Variants in RPRD2 observed in about 807,000 individuals in gnomAD.
RPRD2 encodes regulation of nuclear pre-mRNA domain-containing protein 2.
A neutral mutation model predicts 104.4 loss-of-function variants in RPRD2; 12 were observed. That is an observed-to-expected ratio of 0.11 (90% CI 0.07 to 0.19). The LOEUF (loss-of-function observed/expected upper bound fraction) is 0.19, where lower values mean the gene tolerates loss of function less well. Ranked by LOEUF, RPRD2 falls within the 10% of genes least tolerant of loss-of-function variation. RPRD2 has a pLI of 1.00. For synonymous variants in RPRD2, 714 were observed against 684.9 expected (o/e 1.04, Z -0.66); for missense variants, 1,543 against 1,790.1 (o/e 0.86, Z 2.49).
intron 6 of RPRD2, among the ~76,000 whole-genome samples, chr1:150,445,525 A>C (rs1666699460): frequency 6.6e-6 from 1 of 152,198 alleles, no homozygotes; most frequent in Non-Finnish European, 1.5e-5. Flanking sequence ...ACATCTTACT[A>C]CCTTCTGTAA....
chr1:150,389,877 GT>G (rs1661929237), intron 1 of RPRD2, among the ~76,000 whole-genome samples: 1 of 152,114 alleles, frequency 6.6e-6, no homozygotes, highest in African/African-American at 2.4e-5. Context: ...GACTGGCAAC[GT>G]TTTCCTGAAG....
At chr1:150,369,469 T>G (rs1311651253) in intron 1 of RPRD2, among the ~76,000 whole-genome samples, 74 of 126,640 alleles carry the variant, frequency 5.8e-4, no homozygotes, top group Non-Finnish European at 1.1e-3. Flanking sequence ...TTTTTTTTTT[T>G]TTTTTGAGAC....
rs187513007 is a variant in RPRD2, at chr1:150,431,776, C to T, written c.336-9147C>T. ...GATTACAGGCGTGAGCCACTGCGCC[C>T]GGCCAAAAAGGAAGGAAATTCTAAT... is the stretch of plus-strand genomic sequence containing the variant. On this transcript the variant is annotated intron_variant, in intron 2 of 10. Coordinates refer to ENST00000369068, the MANE Select transcript of RPRD2 (RefSeq NM_015203.5). Among the ~76,000 whole-genome samples, 257 of 151,930 alleles carry T rather than the reference C, an allele frequency of 1.7e-3. 1 individual carries two copies. The highest frequency in any genetic ancestry group is 2.4e-3 in the Admixed American group (37 of 15,252).
chr1:150,444,486 T>A, intron 6 of RPRD2, 109 bp downstream of exon 6: 4 of 1,051,166 alleles, frequency 3.8e-6, no homozygotes, highest in South Asian at 1.7e-5. Flanking sequence ...TAGAAAGCAG[T>A]TGTGGCACCT....
intron 7 of RPRD2, among the ~76,000 whole-genome samples, chr1:150,446,859 G>A (rs1157593439): frequency 1.6e-5 from 2 of 126,050 alleles, no homozygotes; most frequent in African/African-American, 6.3e-5. Context: ...TTGGAACGGA[G>A]TTTGTCGCTC....
intron 1 of RPRD2, among the ~76,000 whole-genome samples, chr1:150,390,275 C>T (rs1375518920): frequency 3.3e-5 from 5 of 152,168 alleles, no homozygotes; most frequent in African/African-American, 9.6e-5. Flanking sequence ...AGGCAGATCA[C>T]CTGAGGTCAG....
chr1:150,416,689 A>G (rs1000993188), intron 1 of RPRD2, among the ~76,000 whole-genome samples: 1 of 151,908 alleles, frequency 6.6e-6, no homozygotes, highest in East Asian at 1.9e-4. Context: ...GGCCAACATA[A>G]TAAAACCCTA....
At chr1:150,407,494 C>T (rs1553886805) in intron 1 of RPRD2, among the ~76,000 whole-genome samples, 1 of 152,148 alleles carries the variant, frequency 6.6e-6, no homozygotes, top group Non-Finnish European at 1.5e-5. Flanking sequence ...TGCGTCTTAG[C>T]TCAGCCTAAC....
intron 10 of RPRD2, among the ~76,000 whole-genome samples, chr1:150,470,086 A>T (rs1668500198): frequency 6.6e-6 from 1 of 152,084 alleles, no homozygotes. Context: ...TTAACTTATT[A>T]GAGATAATAA....
At chr1:150,433,165 A>G (rs1487008717) in intron 2 of RPRD2, among the ~76,000 whole-genome samples, 1 of 152,064 alleles carries the variant, frequency 6.6e-6, no homozygotes, top group Non-Finnish European at 1.5e-5. Flanking sequence ...TTAAATTTTT[A>G]AAAAGGACTA....
chr1:150,467,816 C>A (rs587766869), intron 10 of RPRD2, among the ~76,000 whole-genome samples: 2 of 152,192 alleles, frequency 1.3e-5, no homozygotes, highest in Admixed American at 6.5e-5. Flanking sequence ...AATCCCAGAA[C>A]TTTGTTCTGA....
At chr1:150,387,924 T>C (rs1462193944) in intron 1 of RPRD2, among the ~76,000 whole-genome samples, 3 of 140,412 alleles carry the variant, frequency 2.1e-5, no homozygotes, top group Non-Finnish European at 4.6e-5. Flanking sequence ...TTTTTTTTTT[T>C]TTTTTTTTGA....
At chr1:150,457,087 G>A (rs1667582565) in intron 7 of RPRD2, among the ~76,000 whole-genome samples, 1 of 151,996 alleles carries the variant, frequency 6.6e-6, no homozygotes, top group African/African-American at 2.4e-5. Context: ...AGCCAGGCAT[G>A]GTGATGTGTT....
At chr1:150,408,140 T>C (rs1304924482) in intron 1 of RPRD2, among the ~76,000 whole-genome samples, 1 of 150,648 alleles carries the variant, frequency 6.6e-6, no homozygotes, top group Non-Finnish European at 1.5e-5. Flanking sequence ...ATAACATTTA[T>C]TTTAAAATAT....
At chr1:150,383,227 T>C (rs1553881133) in intron 1 of RPRD2, among the ~76,000 whole-genome samples, 1 of 151,656 alleles carries the variant, frequency 6.6e-6, no homozygotes, top group Non-Finnish European at 1.5e-5. Flanking sequence ...ACTCCTGGAC[T>C]CAAGCTATCC....
At chr1:150,447,798 A>C (rs1293551499) in intron 7 of RPRD2, among the ~76,000 whole-genome samples, 3 of 152,166 alleles carry the variant, frequency 2.0e-5, no homozygotes, top group African/African-American at 7.2e-5. Flanking sequence ...CACCAGTCCT[A>C]CTTCGTAGAA....
Position 150,364,722 on chromosome 1 carries a change from C to CCGG in RPRD2, c.18_20dup (p.Gly8dup), listed in dbSNP as rs782555317. The CCGG allele has an allele frequency of 1.0e-5, 16 of 1,565,840 alleles. No homozygotes were observed. Among genetic ancestry groups the CCGG allele is most frequent in the East Asian group, 9.4e-5 (4 of 42,574 alleles). On this transcript the variant is annotated inframe_insertion, in exon 1 of 11. Transcript: ENST00000369068. ...CTTGTGCAAACCGGGAAGATGGCGG[C>CCGG]CGGCGGCGGCGGAGGCAGCAGTAAG...
At chr1:150,365,287 A>G (rs1659751569) in intron 1 of RPRD2, among the ~76,000 whole-genome samples, 1 of 152,148 alleles carries the variant, frequency 6.6e-6, no homozygotes. Context: ...CGTGTTAATG[A>G]TTTCTGGCTT....
At chr1:150,415,313 C>T (rs1005875936) in intron 1 of RPRD2, among the ~76,000 whole-genome samples, 5 of 150,764 alleles carry the variant, frequency 3.3e-5, no homozygotes, top group Non-Finnish European at 3.0e-5. Flanking sequence ...GCCTGGGCGA[C>T]GAGTGAAACT....
Sources: allele counts gnomAD v4.1 joint callset (sites outside exome capture counted in the v4.1 genomes callset), GRCh38; gene constraint gnomAD v4.1.1; transcripts MANE v1.5; gene names NCBI Gene and HGNC (gene_info 2026-07-23, HGNC 2026-07-21).